CDH12: variants seen among roughly 807,000 people sequenced by gnomAD.
CDH12 encodes cadherin 12.
A neutral mutation model predicts 74.1 loss-of-function variants in CDH12; 41 were observed. The observed-to-expected ratio is 0.55, with a 90% CI of 0.43 to 0.72. The LOEUF is 0.72. CDH12 is among the 30% of genes least tolerant of loss of function. The pLI, the probability that CDH12 is intolerant of heterozygous loss-of-function variation, is 0.00. For synonymous variants in CDH12, 399 were observed against 355.0 expected, an observed-to-expected ratio of 1.12 and a Z score of -1.39; for missense variants, 945 against 977.2, an observed-to-expected ratio of 0.97 and a Z score of 0.44.
At chr5:22,184,744 C>T (rs546974345) in intron 4 of CDH12, among the ~76,000 whole-genome samples, 18 of 152,306 alleles carry the variant, frequency 1.2e-4, no homozygotes, top group African/African-American at 4.3e-4. Flanking sequence ...ATGACCCTTA[C>T]TCTGCTGTGA....
chr5:22,299,072 G>A (rs1377826579), intron 3 of CDH12, among the ~76,000 whole-genome samples: 1 of 152,128 alleles, frequency 6.6e-6, no homozygotes, highest in African/African-American at 2.4e-5. Context: ...ATTTTAGAAT[G>A]TGAGATTTAA....
At chr5:22,078,978 G>T (rs568215936) in intron 4 of CDH12, 116 bp from the exon 5 acceptor site, 15 of 326,864 alleles carry the variant, frequency 4.6e-5, no homozygotes, top group African/African-American at 3.2e-4. Flanking sequence ...GACTATAAAA[G>T]AATTATATTA....
intron 3 of CDH12, among the ~76,000 whole-genome samples, chr5:22,286,357 A>C (rs1159552727): frequency 2.6e-5 from 4 of 152,192 alleles, no homozygotes; most frequent in Non-Finnish European, 5.9e-5. Flanking sequence ...ATCTAGGACA[A>C]GTCATCCATC....
At chr5:22,426,470 C>T (rs1580637158) in intron 2 of CDH12, among the ~76,000 whole-genome samples, 2 of 151,744 alleles carry the variant, frequency 1.3e-5, no homozygotes, top group African/African-American at 4.8e-5. Context: ...ATTTGACTTC[C>T]CATGAGACAA....
In CDH12 at chr5:22,223,536, T is replaced by C. The variant is rs544753431; in HGVS notation, c.-332-10893A>G. Among the ~76,000 whole-genome samples, 12 of 152,146 alleles carry C rather than the reference T, an allele frequency of 7.9e-5. No individual in the cohort carries two copies. The East Asian group carries it at 2.1e-3, about 27-fold the overall frequency. On this transcript the variant is annotated intron_variant, in intron 3 of 14. Transcript: ENST00000382254. ...GGGAACATTCAGTAAAAAGATTTTA[T>C]GGTTAAGTTTTACATTAGACATCCC...
chr5:21,924,317 A>G (rs909779610), intron 6 of CDH12, among the ~76,000 whole-genome samples: 1 of 152,214 alleles, frequency 6.6e-6, no homozygotes, highest in Admixed American at 6.5e-5. Flanking sequence ...GGAGTTTGAG[A>G]CCAGCTTGGC....
intron 1 of CDH12, among the ~76,000 whole-genome samples, chr5:22,663,911 T>G (rs183990801): frequency 4.3e-4 from 65 of 152,218 alleles, no homozygotes; most frequent in Non-Finnish European, 8.1e-4. Context: ...TTTTTTTAAC[T>G]AAGGGAATTT....
intron 2 of CDH12, among the ~76,000 whole-genome samples, chr5:22,426,062 C>CT: frequency 6.6e-6 from 1 of 152,006 alleles, no homozygotes; most frequent in African/African-American, 2.4e-5. Flanking sequence ...TGGCGGGCGC[C>CT]TGTAGTTCCA....
At chr5:22,017,124 C>T (rs1737657844) in intron 5 of CDH12, among the ~76,000 whole-genome samples, 1 of 151,948 alleles carries the variant, frequency 6.6e-6, no homozygotes, top group Non-Finnish European at 1.5e-5. Flanking sequence ...TTGCTTTGAC[C>T]CTTGACTCAT....
intron 4 of CDH12, among the ~76,000 whole-genome samples, chr5:22,120,404 A>G (rs144865651): frequency 6.6e-6 from 1 of 152,168 alleles, no homozygotes; most frequent in Non-Finnish European, 1.5e-5. Flanking sequence ...GAAGTATTAC[A>G]TGTATGAGAA....
chr5:21,995,703 G>A (rs1248512239), intron 5 of CDH12, among the ~76,000 whole-genome samples: 3 of 151,216 alleles, frequency 2.0e-5, no homozygotes, highest in African/African-American at 7.3e-5. Flanking sequence ...TTGAAACTTT[G>A]TGGTACCACT....
intron 1 of CDH12, among the ~76,000 whole-genome samples, chr5:22,567,716 C>T (rs2126760798): frequency 6.6e-6 from 1 of 152,248 alleles, no homozygotes; most frequent in East Asian, 1.9e-4. Flanking sequence ...ACTAAATTTA[C>T]TTTGGCATCA....
intron 2 of CDH12, among the ~76,000 whole-genome samples, chr5:22,460,681 C>A: frequency 7.1e-6 from 1 of 140,140 alleles, no homozygotes; most frequent in Admixed American, 7.4e-5. Flanking sequence ...AATTATGCAA[C>A]TTTTCTAGAG....
intron 1 of CDH12, among the ~76,000 whole-genome samples, chr5:22,564,581 T>C (rs1263651646): frequency 3.3e-5 from 5 of 152,246 alleles, no homozygotes; most frequent in African/African-American, 1.2e-4. Context: ...AATTTTTTAC[T>C]TATGCGATTT....
chr5:22,163,816 A>G (rs184242583), intron 4 of CDH12, among the ~76,000 whole-genome samples: 1 of 152,320 alleles, frequency 6.6e-6, no homozygotes, highest in Admixed American at 6.5e-5. Context: ...ATTCCATGAC[A>G]ACCAGTATGA....
intron 4 of CDH12, among the ~76,000 whole-genome samples, chr5:22,162,491 C>T (rs1202769479): frequency 6.6e-6 from 1 of 152,102 alleles, no homozygotes; most frequent in Non-Finnish European, 1.5e-5. Context: ...TGGGTTTTCC[C>T]TGGAACACTG....
At chr5:22,729,132 T>A (rs1744306282) in intron 1 of CDH12, among the ~76,000 whole-genome samples, 1 of 151,764 alleles carries the variant, frequency 6.6e-6, no homozygotes, top group South Asian at 2.1e-4. Context: ...ATATATATAT[T>A]TTTAACAGTT....
At chr5:22,690,199 A>T (rs982888992) in intron 1 of CDH12, among the ~76,000 whole-genome samples, 3 of 152,164 alleles carry the variant, frequency 2.0e-5, no homozygotes, top group Non-Finnish European at 4.4e-5. Flanking sequence ...GTTGTATACC[A>T]TGAAACATCT....
intron 3 of CDH12, among the ~76,000 whole-genome samples, chr5:22,347,443 C>T (rs910674538): frequency 9.2e-5 from 14 of 152,168 alleles, no homozygotes; most frequent in African/African-American, 3.4e-4. Flanking sequence ...AGCGGTTTGT[C>T]AGGGGCTTCC....
Sources: gnomAD v4.1 joint callset for allele counts (sites outside exome capture counted in the v4.1 genomes callset) on GRCh38, gnomAD v4.1.1 for gene constraint, MANE v1.5 for transcripts, NCBI Gene and HGNC (gene_info 2026-07-23, HGNC 2026-07-21) for gene names.